EPHX1: variants seen among roughly 807,000 people sequenced by gnomAD.
EPHX1 encodes epoxide hydratase.
Under a neutral mutation model 43.2 loss-of-function variants are expected in EPHX1, and 40 were observed. The ratio of observed to expected loss-of-function variants is 0.93; its 90% CI spans 0.72 to 1.21. EPHX1 has a LOEUF of 1.21. Among genes scored for constraint, EPHX1 ranks in the 50% most tolerant of loss-of-function variants. The pLI is 0.00. For missense variants in EPHX1, 550 were observed against 570.4 expected, an observed-to-expected ratio of 0.96 and a Z score of 0.36; for synonymous variants, 221 against 226.7, an observed-to-expected ratio of 0.98 and a Z score of 0.22.
intron 2 of EPHX1, among the ~76,000 whole-genome samples, chr1:225,831,482 G>A (rs1269608402): frequency 6.6e-6 from 1 of 152,042 alleles, no homozygotes; most frequent in Non-Finnish European, 1.5e-5. Context: ...GGGAGGTGGG[G>A]GTTGCAGTGG....
Position 225,845,505 on chromosome 1 carries a change from ACCC to A in EPHX1, c.*161_*163del, listed in dbSNP as rs1242274144. The stretch of plus-strand genomic sequence containing the variant: ...CTCACCCCTCCAAGCTCACTCCCCA[ACCC>A]CCAACTCCGTGTGGTAAGCAACATG... On this transcript the variant is annotated 3_prime_UTR_variant, in exon 9 of 9. Transcript: ENST00000272167. 2 of 672,136 alleles carry A rather than the reference ACCC, an allele frequency of 3.0e-6. No individual in the cohort carries two copies. The highest frequency in any genetic ancestry group is 3.6e-5 in the African/African-American group (2 of 55,488). The allele number at this position is 672,136 out of a possible 1,614,324, so 41.6% of individuals were successfully genotyped here.
chr1:225,816,055 G>C (rs1559015327), intron 1 of EPHX1, among the ~76,000 whole-genome samples: 1 of 152,220 alleles, frequency 6.6e-6, no homozygotes, highest in Admixed American at 6.5e-5. Context: ...CACTTTGGGA[G>C]GCCAAAGCAG....
At chr1:225,834,952 A>G (rs575926880) in intron 3 of EPHX1, among the ~76,000 whole-genome samples, 1 of 152,294 alleles carries the variant, frequency 6.6e-6, no homozygotes, top group South Asian at 2.1e-4. Context: ...TTCAGGGGCA[A>G]TTCCAGCACA....
chr1:225,829,044 T>C, intron 2 of EPHX1, 132 bp downstream of exon 2: 1 of 1,108,572 alleles, frequency 9.0e-7, no homozygotes, highest in African/African-American at 1.5e-5. Flanking sequence ...GGAGTGTGTT[T>C]CAGTCTGCTT....
At chr1:225,832,738 G>A (rs1430628459) in intron 3 of EPHX1, among the ~76,000 whole-genome samples, 1 of 152,116 alleles carries the variant, frequency 6.6e-6, no homozygotes, top group Admixed American at 6.6e-5. Context: ...TTCGGTAATG[G>A]TCATCCTAAT....
At chr1:225,818,034 G>A (rs988703306) in intron 1 of EPHX1, among the ~76,000 whole-genome samples, 3 of 152,110 alleles carry the variant, frequency 2.0e-5, no homozygotes, top group African/African-American at 4.8e-5. Flanking sequence ...TTTGTAGTGC[G>A]CCTAGGATAC....
intron 7 of EPHX1, 31 bp from the exon 8 acceptor site, chr1:225,844,467 G>T (rs1185921685): frequency 2.5e-6 from 4 of 1,613,942 alleles, no homozygotes; most frequent in Non-Finnish European, 3.4e-6. Context: ...ATGTGGCACT[G>T]AGAGTGGGGC....
At chr1:225,823,339 C>G (rs1215504930) in intron 1 of EPHX1, among the ~76,000 whole-genome samples, 1 of 152,144 alleles carries the variant, frequency 6.6e-6, no homozygotes, top group Non-Finnish European at 1.5e-5. Context: ...CCAAAGCCCT[C>G]GTATTGTAAC....
intron 1 of EPHX1, among the ~76,000 whole-genome samples, chr1:225,812,483 G>A (rs374517343): frequency 3.9e-5 from 6 of 152,330 alleles, no homozygotes; most frequent in East Asian, 3.9e-4. Context: ...ACTGCAGGAG[G>A]TGGAGTGACT....
chr1:225,831,945 A>G lies in EPHX1; in HGVS notation c.350A>G (p.Lys117Arg), dbSNP rs67892231. ...ATTCTCAACAGATACCCTCACTTCA[A>G]GACTAAGATTGAAGGTATGTTTGCA... ...VEILNRYPHF[K>R]TKIEGLDIHF... The change falls in exon 3 of 9, where the codon AAG becomes AGG. Residue 117 changes from lysine (K) to arginine (R), a missense_variant. Coordinates refer to ENST00000272167, the MANE Select transcript of EPHX1 (RefSeq NM_001136018.4). The G allele has an allele frequency of 1.5e-3, 2,442 of 1,614,132 alleles. 37 individuals are homozygous for G. The South Asian group carries it at 0.024, about 16-fold the overall frequency.
chr1:225,830,982 T>G (rs1667555196), intron 2 of EPHX1, among the ~76,000 whole-genome samples: 1 of 152,214 alleles, frequency 6.6e-6, no homozygotes, highest in Non-Finnish European at 1.5e-5. Context: ...CAGTCAGATT[T>G]CAGTGTCCAT....
chr1:225,832,646 G>A lies in EPHX1; in HGVS notation c.364+687G>A, dbSNP rs45487000. On this transcript the variant is annotated intron_variant, in intron 3 of 8. Coordinates refer to ENST00000272167, the MANE Select transcript of EPHX1 (RefSeq NM_001136018.4). ...CGCCATACTGCGTTCCGCAGCAGCT[G>A]CACCATTTTACTTTCCCACCCAACA... Among the ~76,000 whole-genome samples the A allele has an allele frequency of 3.6e-3, 551 of 152,356 alleles. 3 individuals are homozygous for A. Among genetic ancestry groups the A allele is most frequent in the African/African-American group, 0.013 (527 of 41,594 alleles).
chr1:225,844,695 C>T (rs556390352), intron 8 of EPHX1, 72 bp downstream of exon 8: 138 of 1,597,504 alleles, frequency 8.6e-5, no homozygotes, highest in Admixed American at 2.6e-4. Context: ...TTGGGCTCCA[C>T]GAAGGGCACT....
At position 225,845,343 on chromosome 1, in the gene EPHX1, A is replaced by G. The variant is rs374719945; in HGVS notation, c.1364A>G (p.Gln455Arg). The G allele has an allele frequency of 2.5e-6, 4 of 1,608,190 alleles. No homozygotes were observed. Among genetic ancestry groups the G allele is most frequent in the Non-Finnish European group, 3.4e-6 (4 of 1,179,234 alleles). The part of the protein sequence containing the change: ...IRKFLSVLER[Q>R] ...AAGTTCCTGTCGGTGCTGGAGCGGCAATGACCCACCCCTCTCCCCCCGCCT... is the reference window on the plus strand; with the variant it reads ...AAGTTCCTGTCGGTGCTGGAGCGGCGATGACCCACCCCTCTCCCCCCGCCT... The change falls in exon 9 of 9, where the codon CAA (glutamine) becomes CGA (arginine). Residue 455 changes from glutamine (Q) to arginine (R), a missense_variant. Coordinates refer to ENST00000272167, the MANE Select transcript of EPHX1 (RefSeq NM_001136018.4).
chr1:225,811,715 G>A (rs1289657048), intron 1 of EPHX1, among the ~76,000 whole-genome samples: 1 of 152,142 alleles, frequency 6.6e-6, no homozygotes, highest in Non-Finnish European at 1.5e-5. Context: ...CCTTTCACTG[G>A]CCCCACTTGG....
chr1:225,844,599 G>C lies in EPHX1; in HGVS notation c.1142G>C (p.Gly381Ala), dbSNP rs771407081. The C allele has an allele frequency of 1.1e-5, 17 of 1,614,010 alleles. No homozygotes were observed. The South Asian group carries it at 1.9e-4, about 18-fold the overall frequency. Reference sequence around the variant, plus strand: ...TTCTACAAGGAGAACCTGGGACAGGGCTGGATGACCCAGAAGCATGAGCGG... The same window carrying C: ...TTCTACAAGGAGAACCTGGGACAGGCCTGGATGACCCAGAAGCATGAGCGG... ...QRFYKENLGQGWMTQKHERMK... is the reference protein window; with the variant it reads ...QRFYKENLGQAWMTQKHERMK... Residue 381 changes from glycine (G) to alanine (A), a missense_variant, in exon 8 of 9, where the codon GGC becomes GCC. Physicochemically the swap from Gly to Ala is moderately conservative, Grantham distance 60. Transcript: ENST00000272167.
chr1:225,837,121 A>G (rs1196268058), intron 3 of EPHX1, among the ~76,000 whole-genome samples: 1 of 152,224 alleles, frequency 6.6e-6, no homozygotes, highest in Non-Finnish European at 1.5e-5. Context: ...CAGCAATCTA[A>G]AACTGTTCCA....
chr1:225,844,288 G>A (rs1668712158), intron 7 of EPHX1, among the ~76,000 whole-genome samples: 1 of 152,064 alleles, frequency 6.6e-6, no homozygotes, highest in African/African-American at 2.4e-5. Context: ...ACCTTGGGGT[G>A]ATAAGAGACA....
intron 1 of EPHX1, among the ~76,000 whole-genome samples, chr1:225,820,336 A>T (rs1313867943): frequency 6.6e-6 from 1 of 152,060 alleles, no homozygotes; most frequent in African/African-American, 2.4e-5. Context: ...TGATCTGCCC[A>T]CCTTGGCCTC....
Sources: gnomAD v4.1 joint callset for allele counts (sites outside exome capture counted in the v4.1 genomes callset) on GRCh38, gnomAD v4.1.1 for gene constraint, MANE v1.5 for transcripts, NCBI Gene and HGNC (gene_info 2026-07-23, HGNC 2026-07-21) for gene names.